SLC22A11: variants seen among roughly 807,000 people sequenced by gnomAD.
The protein encoded by SLC22A11 is organic anion transporter 4.
SLC22A11 carries 42 observed loss-of-function variants against 49.4 expected under a neutral mutation model. The ratio of observed to expected loss-of-function variants is 0.85; its 90% CI spans 0.66 to 1.10. SLC22A11 has a LOEUF of 1.10. SLC22A11 is among the 50% of genes least tolerant of loss of function. The probability of loss-of-function intolerance (pLI) is 0.00; values close to 1 mark genes in which losing one functional copy is unlikely to be tolerated. For missense variants in SLC22A11, 685 were observed against 731.6 expected (o/e 0.94, Z 0.74); for synonymous variants, 304 against 315.8 (o/e 0.96, Z 0.40).
In SLC22A11 at chr11:64,556,122, A is replaced by G. The variant is rs150750095; in HGVS notation, c.123A>G (p.Ser41=). The change falls in exon 1 of 10, where the codon TCA becomes TCG. Residue 41 remains serine, a synonymous_variant. Coordinates refer to ENST00000301891, the MANE Select transcript of SLC22A11 (RefSeq NM_018484.4). ...CCCAGATGCTCCTGGAGAACTTCTC[A>G]GCCGCCATCCCAGGCCACCGATGCT... The part of the protein sequence containing the change: ...IPSQMLLENF[S]AAIPGHRCWT... 9.2e-5 allele frequency: 149 copies of G among 1,614,122 alleles called. No individual in the cohort carries two copies. In the South Asian group the frequency reaches 1.2e-3, roughly 13 times the overall value.
chr11:64,569,589 A>C (rs951212843), intron 8 of SLC22A11, 63 bp from the exon 9 acceptor site: 2 of 1,532,906 alleles, frequency 1.3e-6, no homozygotes, highest in Non-Finnish European at 8.9e-7. Flanking sequence ...CTGTGAGCCC[A>C]GGATGTCTTC....
Position 64,572,823 on chromosome 11 carries a change from C to T in SLC22A11, c.*1781C>T, listed in dbSNP as rs1591379247. ...TCGGTAAATTTTAAAGGATTCGGAT[C>T]ATACAAAGAATGTTCTTGAACCAGC... On this transcript the variant is annotated 3_prime_UTR_variant, in exon 10 of 10. Coordinates refer to ENST00000301891, the MANE Select transcript of SLC22A11 (RefSeq NM_018484.4). The T allele has an allele frequency of 1.3e-5, 2 of 152,166 alleles. No individual in the cohort carries two copies. The highest frequency in any genetic ancestry group is 4.8e-5 in the African/African-American group (2 of 41,434). The allele number at this position is 152,166 out of a possible 1,614,324, so 9.4% of individuals were successfully genotyped here.
intron 2 of SLC22A11, among the ~76,000 whole-genome samples, chr11:64,561,138 C>G (rs1246840552): frequency 6.6e-6 from 1 of 152,228 alleles, no homozygotes; most frequent in African/African-American, 2.4e-5. Flanking sequence ...TCAGACTCAG[C>G]CGGCCTGGAG....
intron 2 of SLC22A11, among the ~76,000 whole-genome samples, chr11:64,561,602 A>AATTT (rs35789932): frequency 0.017 from 2,524 of 144,872 alleles, 35 homozygotes; most frequent in East Asian, 0.029. Context: ...ACACCTGGCT[A>AATTT]ATTTATTTAT....
chr11:64,562,083 T>C lies in SLC22A11; in HGVS notation c.577T>C (p.Phe193Leu). ...AGTSTIFAPT[F>L]VIYCGLRFVA... ...CACCAGCACCATCTTCGCCCCAACA[T>C]TCGTCATCTACTGCGGCCTGCGGTT... The change falls in exon 3 of 10, where the codon TTC becomes CTC. Residue 193 changes from phenylalanine to leucine, a missense_variant. Physicochemically the swap from Phe to Leu is conservative, Grantham distance 22. Coordinates refer to ENST00000301891, the MANE Select transcript of SLC22A11 (RefSeq NM_018484.4). This position sits in a 1 kb window ranked among gnomAD's most constrained non-coding sequence, Gnocchi z 4.4. 6.2e-7 allele frequency: 1 copy of C among 1,613,894 alleles called. No homozygotes were observed. The highest frequency in any genetic ancestry group is 1.1e-5 in the South Asian group (1 of 91,082).
At chr11:64,559,973 C>T (rs2038519734) in intron 2 of SLC22A11, among the ~76,000 whole-genome samples, 2 of 152,044 alleles carry the variant, frequency 1.3e-5, no homozygotes, top group African/African-American at 4.8e-5. Context: ...GTTTTCCTTC[C>T]ACCTCCCAGG....
chr11:64,569,781 C>T lies in SLC22A11; in HGVS notation c.1512C>T (p.Ser504=), dbSNP rs776504481. 21 of 1,614,022 alleles carry T rather than the reference C, an allele frequency of 1.3e-5. No homozygotes were observed. Among genetic ancestry groups the T allele is most frequent in the Non-Finnish European group, 1.6e-5 (19 of 1,180,038 alleles). Residue 504 remains serine, a synonymous_variant, in exon 9 of 10, where the codon TCC becomes TCT. Transcript: ENST00000301891. ...TCTATGGCGTTATCTCCATTGCTTC[C>T]AGCCTGGTTGTGCTGTTCTTCCTCC... ...PLLYGVISIA[S]SLVVLFFLPE... is the part of the protein sequence containing the mutation.
At chr11:64,559,327 A>C (rs1372787418) in intron 2 of SLC22A11, 89 bp downstream of exon 2, 5 of 965,146 alleles carry the variant, frequency 5.2e-6, no homozygotes, top group Non-Finnish European at 4.4e-6. Context: ...TCAGGCAAAC[A>C]CCCCATCCCT....
chr11:64,562,225 C>T lies in SLC22A11; in HGVS notation c.653-42C>T. The T allele has an allele frequency of 6.2e-7, 1 of 1,600,334 alleles. No individual in the cohort carries two copies. Among genetic ancestry groups the T allele is most frequent in the Non-Finnish European group, 8.5e-7 (1 of 1,171,132 alleles). On this transcript the variant is annotated intron_variant, in intron 3 of 9. Transcript: ENST00000301891. The surrounding 1 kb of genome is among the most constrained non-coding windows in gnomAD (Gnocchi z 4.4). ...GTGGCAGGAGAGAATGGGGCTCAGG[C>T]CGCCGCATGAGGCCTCACCTGCACG...
At position 64,571,114 on chromosome 11, in the gene SLC22A11, G is replaced by A. The variant is rs12294207; in HGVS notation, c.*72G>A. 0.023 allele frequency: 34,973 copies of A among 1,549,430 alleles called. 6,059 individuals carry two copies. In the African/African-American group the frequency reaches 0.4, roughly 18 times the overall value. ...GAGTTGCCTCTTCTCCAATCAGAGC[G>A]TGGAGGCGAGTTGGGCGACTTCAAG... On this transcript the variant is annotated 3_prime_UTR_variant, in exon 10 of 10. Coordinates refer to ENST00000301891, the MANE Select transcript of SLC22A11 (RefSeq NM_018484.4).
chr11:64,571,177 T>C lies in SLC22A11; in HGVS notation c.*135T>C. 1.1e-6 allele frequency: 1 copy of C among 885,732 alleles called. No individual in the cohort carries two copies. Among genetic ancestry groups the C allele is most frequent in the Non-Finnish European group, 1.8e-6 (1 of 556,544 alleles). The allele number at this position is 885,732 out of a possible 1,614,324, so 54.9% of individuals were successfully genotyped here. A position where few individuals can be genotyped will look rare whatever the true frequency, so the allele number is the denominator to read the frequency against. On this transcript the variant is annotated 3_prime_UTR_variant, in exon 10 of 10. Transcript: ENST00000301891. ...CAGAGGCCAGGCAGCCGTGGCCGAG[T>C]GGACAGCGTGGCCGTCTGCTGTGGC... is the stretch of plus-strand genomic sequence containing the variant.
rs35789932 is a variant in SLC22A11, at chr11:64,561,602, AATTTATTTATTTATTTATTTATTTATTT to A, written c.498-380_498-353del. Among the ~76,000 whole-genome samples, 62 of 144,966 alleles carry A rather than the reference AATTTATTTATTTATTTATTTATTTATTT, an allele frequency of 4.3e-4. 1 individual carries two copies. Among genetic ancestry groups the A allele is most frequent in the Non-Finnish European group, 6.7e-4 (45 of 66,734 alleles). Reference sequence around the variant, plus strand: ...TAGCTGGGACCGCAGACACCTGGCTAATTTATTTATTTATTTATTTATTTATTTATTTATTTATTTATTTATTTAGTAG... The same window carrying A: ...TAGCTGGGACCGCAGACACCTGGCTAATTTATTTATTTATTTATTTAGTAG... On this transcript the variant is annotated intron_variant, in intron 2 of 9. Transcript: ENST00000301891.
At chr11:64,567,055 G>C (rs894643569) in intron 6 of SLC22A11, among the ~76,000 whole-genome samples, 35 of 152,024 alleles carry the variant, frequency 2.3e-4, no homozygotes, top group Non-Finnish European at 1.2e-4. Context: ...GGGCCTTTCT[G>C]GGTGGTCCCT....
At position 64,570,871 on chromosome 11, in the gene SLC22A11, AATG is replaced by A. The variant is rs2038694301; in HGVS notation, c.1590-107_1590-105del. 30 of 1,003,968 alleles carry A rather than the reference AATG, an allele frequency of 3.0e-5. 1 individual carries two copies. The Admixed American group carries it at 5.5e-4, about 18-fold the overall frequency. The allele number at this position is 1,003,968 out of a possible 1,614,324, so 62.2% of individuals were successfully genotyped here. A position where few individuals can be genotyped will look rare whatever the true frequency, so the allele number is the denominator to read the frequency against. ...GGTACACAGAAGGGAGTAAAAGCCT[AATG>A]CCATAGAGTTTACCCCCCAATAAGA... On this transcript the variant is annotated intron_variant, in intron 9 of 9. Transcript: ENST00000301891.
rs79843674 is a variant in SLC22A11 at position 64,556,405 on chromosome 11, C to A, written c.393+13C>A. Reference sequence around the variant, plus strand: ...CATCGTGGCCAAGGTAGGGCCTCCCCCAGAGCCACTCGAGTCCCGTCACCT... The same window carrying A: ...CATCGTGGCCAAGGTAGGGCCTCCCACAGAGCCACTCGAGTCCCGTCACCT... On this transcript the variant is annotated intron_variant, in intron 1 of 9. Coordinates refer to ENST00000301891, the MANE Select transcript of SLC22A11 (RefSeq NM_018484.4). The A allele has an allele frequency of 1.8e-3, 2,892 of 1,608,472 alleles. 33 individuals carry two copies. The African/African-American group carries it at 0.027, about 15-fold the overall frequency.
chr11:64,556,027 G>T lies in SLC22A11; in HGVS notation c.28G>T (p.Ala10Ser). ...GGCGTTCTCGAAGCTCTTGGAGCAA[G>T]CCGGAGGCGTGGGCCTCTTCCAGAC... MAFSKLLEQ[A>S]GGVGLFQTLQ... Residue 10 changes from alanine to serine, a missense_variant, in exon 1 of 10, where the codon GCC becomes TCC. Transcript: ENST00000301891. The T allele has an allele frequency of 6.2e-7, 1 of 1,612,132 alleles. No homozygotes were observed.
rs555489463 is a variant in SLC22A11 at position 64,564,473 on chromosome 11, C to T, written c.942+45C>T. On this transcript the variant is annotated intron_variant, in intron 5 of 9. Coordinates refer to ENST00000301891, the MANE Select transcript of SLC22A11 (RefSeq NM_018484.4). The surrounding 1 kb of genome is among the most constrained non-coding windows in gnomAD (Gnocchi z 4.2). ...GAGACTTGACCTGGGACAGGACGTGCACTGAGGGATCATCCGTGTGGCCTC... is the reference window on the plus strand; with the variant it reads ...GAGACTTGACCTGGGACAGGACGTGTACTGAGGGATCATCCGTGTGGCCTC... The T allele has an allele frequency of 1.9e-6, 3 of 1,604,736 alleles. No individual in the cohort carries two copies. The South Asian group carries it at 3.3e-5, about 18-fold the overall frequency.
intron 8 of SLC22A11, 103 bp from the exon 9 acceptor site, chr11:64,569,549 C>A (rs1430624030): frequency 1.1e-5 from 14 of 1,245,830 alleles, no homozygotes; most frequent in Non-Finnish European, 1.6e-5. Context: ...GAGGGCAATT[C>A]CCTCAGCCCA....
chr11:64,557,326 C>G (rs1232234639), intron 1 of SLC22A11, among the ~76,000 whole-genome samples: 1 of 152,180 alleles, frequency 6.6e-6, no homozygotes, highest in Admixed American at 6.5e-5. Context: ...GGGTCTGGAG[C>G]CTGAGTCAAT....
Sources: gnomAD v4.1 joint callset for allele counts (sites outside exome capture counted in the v4.1 genomes callset) on GRCh38, gnomAD v4.1.1 for gene constraint, Gnocchi (gnomAD v3.1) non-coding constraint, MANE v1.5 for transcripts, NCBI Gene and HGNC (gene_info 2026-07-23, HGNC 2026-07-21) for gene names.